PODXL: variants seen among roughly 807,000 people sequenced by gnomAD.
PODXL encodes the protein podocalyxin.
A neutral mutation model predicts 48.9 loss-of-function variants in PODXL; 20 were observed. The ratio of observed to expected loss-of-function variants is 0.41; its 90% CI spans 0.29 to 0.59. PODXL has a LOEUF of 0.59. Ranked by LOEUF, PODXL falls within the 20% of genes least tolerant of loss-of-function variation. The probability of loss-of-function intolerance (pLI) is 0.31; values close to 1 mark genes in which losing one functional copy is unlikely to be tolerated. For synonymous variants in PODXL, 295 were observed against 287.4 expected (o/e 1.03, Z -0.27); for missense variants, 606 against 675.1 (o/e 0.90, Z 1.13).
At chr7:131,518,873 G>A (rs755519911) in intron 1 of PODXL, among the ~76,000 whole-genome samples, 23 of 152,128 alleles carry the variant, frequency 1.5e-4, no homozygotes, top group Non-Finnish European at 2.9e-4. Flanking sequence ...GAAGAAAACT[G>A]ATATGCTGAA....
intron 1 of PODXL, among the ~76,000 whole-genome samples, chr7:131,516,736 CTTTTTT>C (rs58722955): frequency 1.6e-5 from 2 of 125,640 alleles, no homozygotes; most frequent in Non-Finnish European, 3.2e-5. Flanking sequence ...TTTTTTTTCT[CTTTTTT>C]TTTTTTTTTT....
intron 1 of PODXL, among the ~76,000 whole-genome samples, chr7:131,518,231 A>G (rs1042116179): frequency 3.5e-4 from 53 of 152,304 alleles, no homozygotes; most frequent in African/African-American, 1.1e-3. Context: ...CGCTCTCCTG[A>G]TCTGCTCTCC....
At chr7:131,543,158 T>C (rs2116857136) in intron 1 of PODXL, among the ~76,000 whole-genome samples, 1 of 152,360 alleles carries the variant, frequency 6.6e-6, no homozygotes, top group African/African-American at 2.4e-5. Context: ...GGTCTTGTTA[T>C]GTCATCCATG....
chr7:131,511,245 G>A lies in PODXL; in HGVS notation c.289C>T (p.Gln97Ter), dbSNP rs1348544924. Residue 97 changes from glutamine to a stop codon, truncating the protein, a stop_gained, in exon 2 of 9, where the codon CAG becomes TAG. Coordinates refer to ENST00000378555, the MANE Select transcript of PODXL (RefSeq NM_001018111.3). LOFTEE classifies it high-confidence loss of function. ...GTGTTGACTGGGCCTGAGACTTGCT[G>A]AGCCAGGGTTGTAGTCCCCGGTGAG... Reference protein sequence around the residue: ...SDSPGTTTLAQQVSGPVNTTV... With the variant: ...SDSPGTTTLA 6.2e-7 allele frequency: 1 copy of A among 1,613,964 alleles called. No homozygotes were observed. Among genetic ancestry groups the A allele is most frequent in the Non-Finnish European group, 8.5e-7 (1 of 1,180,006 alleles).
chr7:131,534,672 G>T (rs979247477), intron 1 of PODXL, among the ~76,000 whole-genome samples: 1 of 152,228 alleles, frequency 6.6e-6, no homozygotes, highest in South Asian at 2.1e-4. Context: ...TGTCCATCAC[G>T]ATGGGTGTGG....
chr7:131,533,421 C>T (rs966834208), intron 1 of PODXL, among the ~76,000 whole-genome samples: 1 of 152,166 alleles, frequency 6.6e-6, no homozygotes, highest in Non-Finnish European at 1.5e-5. Flanking sequence ...ATTGTTCTGC[C>T]CTTATCAGCT....
intron 1 of PODXL, among the ~76,000 whole-genome samples, chr7:131,524,379 C>CACACACACACAGAGAGAG (rs746255906): frequency 7.7e-5 from 8 of 104,052 alleles, no homozygotes; most frequent in African/African-American, 2.2e-4. Context: ...CACACACACA[C>CACACACACACAGAGAGAG]AGAGAGAGAG....
chr7:131,524,731 C>T (rs1234806031), intron 1 of PODXL, among the ~76,000 whole-genome samples: 1 of 152,044 alleles, frequency 6.6e-6, no homozygotes. Flanking sequence ...TATTATATGA[C>T]CCAGCAATTC....
At chr7:131,521,503 G>A (rs7790992) in intron 1 of PODXL, among the ~76,000 whole-genome samples, 108,999 of 151,698 alleles carry the variant, frequency 0.72, 39,827 homozygotes, top group East Asian at 0.99. Flanking sequence ...CACCACGCCC[G>A]GTTGTATTTT....
In PODXL at chr7:131,500,994, C is replaced by CT; in HGVS notation, c.*3316dup. ...AAGATTGGACTAGATCTTGAAATACCTTTCTCCATGACTACAGGGTTGCCT... is the reference window on the plus strand; with the variant it reads ...AAGATTGGACTAGATCTTGAAATACCTTTTCTCCATGACTACAGGGTTGCCT... On this transcript the variant is annotated 3_prime_UTR_variant, in exon 9 of 9. Transcript: ENST00000378555. The CT allele has an allele frequency of 6.6e-6, 1 of 152,124 alleles. No individual in the cohort carries two copies. Among genetic ancestry groups the CT allele is most frequent in the East Asian group, 1.9e-4 (1 of 5,180 alleles). The allele number at this position is 152,124 out of a possible 1,614,324, so 9.4% of individuals were successfully genotyped here.
chr7:131,536,796 A>T (rs1733876), intron 1 of PODXL, among the ~76,000 whole-genome samples: 138,491 of 152,208 alleles, frequency 0.91, 63,378 homozygotes, highest in East Asian at 1. Context: ...CTATCATTTT[A>T]AAAAATGTTT....
chr7:131,509,006 G>A lies in PODXL; in HGVS notation c.1046C>T (p.Thr349Ile), dbSNP rs760881526. The A allele has an allele frequency of 1.9e-6, 3 of 1,613,902 alleles. No homozygotes were observed. The highest frequency in any genetic ancestry group is 2.2e-5 in the East Asian group (1 of 44,880). The change falls in exon 5 of 9, where the codon ACA (threonine) becomes ATA (isoleucine). Residue 349 changes from threonine to isoleucine, a missense_variant. Thr to Ile is a moderately conservative substitution (Grantham distance 89). Transcript: ENST00000378555. ...SNWAKCEDLE[T>I]QTQSEKQLVL... ...GAGCTGCTTCTCACTCTGTGTCTGT[G>A]TCTCAAGATCCTCACACTTTGCCTG...
chr7:131,556,158 G>C lies in PODXL; in HGVS notation c.100+102C>G, dbSNP rs1798738999. On this transcript the variant is annotated intron_variant, in intron 1 of 8. Transcript: ENST00000378555. ...GACCCCGGCGGTGATAGGGCTGCTC[G>C]GGGTCGGACCACGCGGCGCGCCGGG... The C allele has an allele frequency of 4.5e-6, 6 of 1,327,410 alleles. No homozygotes were observed. The African/African-American group carries it at 4.6e-5, about 10-fold the overall frequency. 82.2% of individuals were successfully genotyped at this position (1,327,410 alleles called of 1,614,324 possible). A position where few individuals can be genotyped will look rare whatever the true frequency, so the allele number is the denominator to read the frequency against.
At chr7:131,547,339 C>T (rs1798595640) in intron 1 of PODXL, among the ~76,000 whole-genome samples, 1 of 136,448 alleles carries the variant, frequency 7.3e-6, no homozygotes, top group Admixed American at 8.8e-5. Context: ...CGCCATTGCA[C>T]TCCAGCCTGG....
At chr7:131,555,050 G>A (rs1284716772) in intron 1 of PODXL, among the ~76,000 whole-genome samples, 2 of 152,104 alleles carry the variant, frequency 1.3e-5, no homozygotes, top group African/African-American at 2.4e-5. Context: ...GGATGCCCAC[G>A]CCTGCCTGCT....
At chr7:131,530,142 TAC>T (rs950857893) in intron 1 of PODXL, among the ~76,000 whole-genome samples, 1 of 151,358 alleles carries the variant, frequency 6.6e-6, no homozygotes, top group Non-Finnish European at 1.5e-5. Flanking sequence ...GGTTGAGGTC[TAC>T]ACCCCACCCC....
Position 131,500,570 on chromosome 7 carries a change from T to G in PODXL, c.*3741A>C, listed in dbSNP as rs1215311409. ...CAAAAGCTATGCTACAGTTTTACTC[T>G]TGCCCTCTCTGCCTCCCCCATCATG... On this transcript the variant is annotated 3_prime_UTR_variant, in exon 9 of 9. Coordinates refer to ENST00000378555, the MANE Select transcript of PODXL (RefSeq NM_001018111.3). 3 of 152,342 alleles carry G rather than the reference T, an allele frequency of 2.0e-5. No homozygotes were observed. Among genetic ancestry groups the G allele is most frequent in the Non-Finnish European group, 4.4e-5 (3 of 68,056 alleles). 9.4% of individuals were successfully genotyped at this position (152,342 alleles called of 1,614,324 possible).
At chr7:131,520,211 C>T (rs1229287259) in intron 1 of PODXL, 3 of 385,822 alleles carry the variant, frequency 7.8e-6, no homozygotes, top group Non-Finnish European at 1.5e-5. Context: ...GAGAATGCAC[C>T]ATCAACAATC....
At chr7:131,543,407 T>C (rs953972857) in intron 1 of PODXL, among the ~76,000 whole-genome samples, 7 of 152,256 alleles carry the variant, frequency 4.6e-5, no homozygotes, top group African/African-American at 1.7e-4. Flanking sequence ...ATTATAGGTG[T>C]GAACCACAGT....
Sources: gnomAD v4.1 joint callset for allele counts (sites outside exome capture counted in the v4.1 genomes callset) on GRCh38, gnomAD v4.1.1 for gene constraint, MANE v1.5 for transcripts, NCBI Gene and HGNC (gene_info 2026-07-23, HGNC 2026-07-21) for gene names.